SPATA13: variants seen among roughly 807,000 people sequenced by gnomAD.
SPATA13 encodes spermatogenesis associated 13.
A neutral mutation model predicts 104.0 loss-of-function variants in SPATA13; 50 were observed. The ratio of observed to expected loss-of-function variants is 0.48; its 90% confidence interval spans 0.38 to 0.61. The LOEUF (loss-of-function observed/expected upper bound fraction) is 0.61, where lower values mean the gene tolerates loss of function less well. Among genes scored for constraint, SPATA13 ranks in the 20% least tolerant of loss-of-function variants. The pLI, the probability that SPATA13 is intolerant of heterozygous loss-of-function variation, is 0.00. For missense variants in SPATA13, 1,524 were observed against 1,690.6 expected, an observed-to-expected ratio of 0.90 and a Z score of 1.73; for synonymous variants, 606 against 667.5, an observed-to-expected ratio of 0.91 and a Z score of 1.42.
At chr13:24,292,718 C>T (rs1463596131) in intron 9 of SPATA13, among the ~76,000 whole-genome samples, 1 of 152,050 alleles carries the variant, frequency 6.6e-6, no homozygotes, top group African/African-American at 2.4e-5. Context: ...AAACTTCTGG[C>T]CGGGCGCCAT....
intron 3 of SPATA13, among the ~76,000 whole-genome samples, chr13:24,066,991 G>A (rs185834863): frequency 6.6e-6 from 1 of 152,274 alleles, no homozygotes; most frequent in East Asian, 1.9e-4. Flanking sequence ...CAGTTTTAGA[G>A]CCCAGTGCCT....
chr13:24,212,317 C>T (rs940821155), intron 1 of SPATA13, among the ~76,000 whole-genome samples: 5 of 149,084 alleles, frequency 3.4e-5, no homozygotes, highest in Non-Finnish European at 7.4e-5. Context: ...AAAAAAAGGT[C>T]GAGGGAAACA....
At chr13:24,115,204 A>G (rs932839303) in intron 3 of SPATA13, among the ~76,000 whole-genome samples, 4 of 152,200 alleles carry the variant, frequency 2.6e-5, no homozygotes, top group African/African-American at 9.7e-5. Context: ...TTGGACTGCA[A>G]GTATTAGTTG....
chr13:24,093,210 T>G (rs936746678), intron 3 of SPATA13, among the ~76,000 whole-genome samples: 1 of 152,218 alleles, frequency 6.6e-6, no homozygotes, highest in Non-Finnish European at 1.5e-5. Context: ...TGTGTCTCTT[T>G]GTGCCTGGTT....
At chr13:23,997,187 C>T (rs2765164) in intron 2 of SPATA13, among the ~76,000 whole-genome samples, 117,602 of 152,190 alleles carry the variant, frequency 0.77, 45,654 homozygotes, top group African/African-American at 0.81. Context: ...AAATGGTTTC[C>T]ATTTTTATCT....
At chr13:24,063,607 G>A (rs1231199705) in intron 3 of SPATA13, among the ~76,000 whole-genome samples, 1 of 151,978 alleles carries the variant, frequency 6.6e-6, no homozygotes, top group Non-Finnish European at 1.5e-5. Flanking sequence ...CTGAACCCTG[G>A]CTGCCATCCA....
At chr13:24,139,682 G>T (rs185044669) in intron 3 of SPATA13, among the ~76,000 whole-genome samples, 12 of 152,332 alleles carry the variant, frequency 7.9e-5, no homozygotes, top group African/African-American at 2.6e-4. Flanking sequence ...AAGTTAGGAA[G>T]GTGCTCTGGG....
At chr13:24,280,639 C>T (rs1324853721) in intron 4 of SPATA13, among the ~76,000 whole-genome samples, 2 of 152,178 alleles carry the variant, frequency 1.3e-5, no homozygotes, top group South Asian at 4.1e-4. Context: ...ATATGCTCCT[C>T]ACCCAGGAGC....
chr13:24,071,006 C>T (rs1879142646), intron 3 of SPATA13, among the ~76,000 whole-genome samples: 1 of 152,158 alleles, frequency 6.6e-6, no homozygotes, highest in Non-Finnish European at 1.5e-5. Flanking sequence ...ATGTCTACGT[C>T]TGTGTTAATG....
intron 1 of SPATA13, among the ~76,000 whole-genome samples, chr13:24,189,082 C>T (rs4770619): frequency 0.73 from 111,591 of 152,076 alleles, 45,579 homozygotes; most frequent in Non-Finnish European, 0.91. Flanking sequence ...AGAAGTACAA[C>T]GAGATGAATA....
intron 4 of SPATA13, among the ~76,000 whole-genome samples, chr13:24,269,741 ATTTTTTTTTTTTT>A (rs71070673): frequency 4.0e-5 from 3 of 75,912 alleles, no homozygotes; most frequent in Non-Finnish European, 6.8e-5. Context: ...GCTAATATAA[ATTTTTTTTTTTTT>A]TTTTTTTTTT....
rs530276210 is a variant in SPATA13, at chr13:24,284,647, G to C, written c.2301+376G>C. ...CCACTGCACTCCAGCCTGGGCGACA[G>C]AGCGAGACTCCATCTCAAAAATAAA... On this transcript the variant is annotated intron_variant, in intron 5 of 12. Transcript: ENST00000382108. Among the ~76,000 whole-genome samples, 8 of 152,288 alleles carry C rather than the reference G, an allele frequency of 5.3e-5. No individual in the cohort carries two copies. In the East Asian group the frequency reaches 1.4e-3, roughly 26 times the overall value.
chr13:24,291,637 C>T (rs1444562326), intron 9 of SPATA13, among the ~76,000 whole-genome samples: 1 of 152,238 alleles, frequency 6.6e-6, no homozygotes, highest in Non-Finnish European at 1.5e-5. Flanking sequence ...CTTCGAGCTT[C>T]CTTGGTGCCT....
intron 2 of SPATA13, among the ~76,000 whole-genome samples, chr13:24,005,730 T>C (rs77914940): frequency 0.034 from 5,191 of 152,262 alleles, 187 homozygotes; most frequent in African/African-American, 0.09. Context: ...AGGGGCATTT[T>C]CTGAGGAATG....
upstream of SPATA13, among the ~76,000 whole-genome samples, chr13:24,158,659 A>G (rs185039676): frequency 3.9e-5 from 6 of 152,310 alleles, no homozygotes; most frequent in East Asian, 9.6e-4. Context: ...TGAAACCCTG[A>G]AAAAAATATT....
At chr13:24,252,089 C>T (rs533293546) in intron 4 of SPATA13, among the ~76,000 whole-genome samples, 63 of 152,270 alleles carry the variant, frequency 4.1e-4, no homozygotes, top group African/African-American at 1.4e-3. Flanking sequence ...TTTGCCCCTC[C>T]TGTGGTGTCC....
intron 3 of SPATA13, among the ~76,000 whole-genome samples, chr13:24,101,617 A>G (rs564200851): frequency 2.3e-4 from 35 of 152,328 alleles, no homozygotes; most frequent in African/African-American, 7.9e-4. Context: ...TTGTAACTCT[A>G]TATTCACTGA....
At chr13:24,265,824 A>G (rs572817808) in intron 4 of SPATA13, among the ~76,000 whole-genome samples, 2 of 152,212 alleles carry the variant, frequency 1.3e-5, no homozygotes, top group South Asian at 4.2e-4. Flanking sequence ...AGTTCCAAGG[A>G]TGTTCCTGGG....
intron 3 of SPATA13, among the ~76,000 whole-genome samples, chr13:24,039,892 A>G (rs1047180188): frequency 6.6e-6 from 1 of 152,304 alleles, no homozygotes; most frequent in Admixed American, 6.5e-5. Context: ...CACCAAAGAC[A>G]GGCTGAGCTC....
Sources: gnomAD v4.1 joint callset for allele counts (sites outside exome capture counted in the v4.1 genomes callset) on GRCh38, gnomAD v4.1.1 for gene constraint, MANE v1.5 for transcripts, NCBI Gene and HGNC (gene_info 2026-07-23, HGNC 2026-07-21) for gene names.